Variants in NPNT observed in about 807,000 individuals in gnomAD.
The protein encoded by NPNT is nephronectin.
NPNT carries 45 observed loss-of-function variants against 68.6 expected under a neutral mutation model. The ratio of observed to expected loss-of-function variants is 0.66; its 90% CI spans 0.52 to 0.84. The LOEUF is 0.84. NPNT is among the 40% of genes least tolerant of loss of function. NPNT has a pLI of 0.00. For synonymous variants in NPNT, 233 were observed against 253.3 expected (o/e 0.92, Z 0.76); for missense variants, 672 against 714.8 (o/e 0.94, Z 0.68).
chr4:105,962,984 G>A (rs772193267), intron 10 of NPNT, among the ~76,000 whole-genome samples: 1 of 152,042 alleles, frequency 6.6e-6, no homozygotes, highest in Non-Finnish European at 1.5e-5. Flanking sequence ...CAGCACTTTG[G>A]GAGGCTGAGG....
intron 3 of NPNT, among the ~76,000 whole-genome samples, chr4:105,931,308 A>G (rs1729085799): frequency 6.6e-6 from 1 of 152,206 alleles, no homozygotes; most frequent in Non-Finnish European, 1.5e-5. Flanking sequence ...TAATTTCAGA[A>G]GAAAATATTT....
intron 9 of NPNT, 49 bp downstream of exon 9, chr4:105,958,606 C>T (rs766755143): frequency 3.2e-5 from 34 of 1,062,604 alleles, no homozygotes; most frequent in Non-Finnish European, 4.4e-5. Flanking sequence ...TATTGTTTCT[C>T]TCCATGAAAA....
At position 105,967,236 on chromosome 4, in the gene NPNT, C is replaced by T. The variant is rs1301560585; in HGVS notation, c.1394C>T (p.Ala465Val). The change falls in exon 11 of 12, where the codon GCT (alanine) becomes GTT (valine). Residue 465 changes from alanine to valine, a missense_variant. Physicochemically the swap from Ala to Val is moderately conservative, Grantham distance 64. Transcript: ENST00000379987. The part of the protein sequence containing the change: ...VSAAKAPGGK[A>V]ARLVLPLGRL... ...GCAGCCAAAGCCCCAGGGGGAAAAG[C>T]TGCACGCTTGGTGCTACCTCTCGGC... 6.2e-7 allele frequency: 1 copy of T among 1,613,980 alleles called. No homozygotes were observed. Among genetic ancestry groups the T allele is most frequent in the African/African-American group, 1.3e-5 (1 of 75,044 alleles).
chr4:105,918,630 T>C (rs1728003053), intron 2 of NPNT, among the ~76,000 whole-genome samples: 2 of 152,192 alleles, frequency 1.3e-5, no homozygotes, highest in South Asian at 2.1e-4. Context: ...GTCCTTAACA[T>C]GCATCTGTTA....
chr4:105,930,257 A>G (rs919731719), intron 3 of NPNT, among the ~76,000 whole-genome samples: 5 of 152,220 alleles, frequency 3.3e-5, no homozygotes, highest in African/African-American at 1.2e-4. Flanking sequence ...TGACTTGCAC[A>G]TGGTAAATGC....
chr4:105,928,265 A>T (rs1728838927), intron 3 of NPNT, among the ~76,000 whole-genome samples: 1 of 152,194 alleles, frequency 6.6e-6, no homozygotes, highest in African/African-American at 2.4e-5. Flanking sequence ...GTGATCCTCG[A>T]ACTCATGCTA....
At chr4:105,897,273 C>A (rs1725935535) in intron 1 of NPNT, among the ~76,000 whole-genome samples, 1 of 152,146 alleles carries the variant, frequency 6.6e-6, no homozygotes, top group South Asian at 2.1e-4. Flanking sequence ...CGTTTCAAAC[C>A]ACAAGGATAC....
At chr4:105,927,917 A>G (rs1728814582) in intron 3 of NPNT, among the ~76,000 whole-genome samples, 1 of 152,188 alleles carries the variant, frequency 6.6e-6, no homozygotes, top group African/African-American at 2.4e-5. Context: ...AATAAAAATG[A>G]TTAATTTAGC....
At chr4:105,936,273 T>G (rs1180897879) in intron 3 of NPNT, among the ~76,000 whole-genome samples, 2 of 152,204 alleles carry the variant, frequency 1.3e-5, no homozygotes, top group African/African-American at 4.8e-5. Flanking sequence ...TGTTGGTAGG[T>G]TTTTTAAAGT....
chr4:105,928,270 A>G lies in NPNT; in HGVS notation c.265+842A>G, dbSNP rs148795388. 2.8e-3 allele frequency among the ~76,000 whole-genome samples: 430 copies of G among 152,306 alleles called. 3 individuals carry two copies. Among genetic ancestry groups the G allele is most frequent in the African/African-American group, 9.9e-3 (412 of 41,562 alleles). On this transcript the variant is annotated intron_variant, in intron 3 of 11. Coordinates refer to ENST00000379987, the MANE Select transcript of NPNT (RefSeq NM_001033047.3). ...ATTTGGAAATGTGATCCTCGAACTC[A>G]TGCTACAAAGTCAGACAAGGCTTGT...
At chr4:105,913,890 A>G (rs1383836696) in intron 2 of NPNT, among the ~76,000 whole-genome samples, 1 of 152,142 alleles carries the variant, frequency 6.6e-6, no homozygotes, top group Non-Finnish European at 1.5e-5. Context: ...TGGGAAATGA[A>G]TTGAAGGGAG....
chr4:105,917,320 C>T (rs62317722), intron 2 of NPNT, among the ~76,000 whole-genome samples: 1 of 152,168 alleles, frequency 6.6e-6, no homozygotes. Flanking sequence ...TGGTGAATTT[C>T]TACTTATCCT....
chr4:105,927,152 C>T, intron 2 of NPNT, 184 bp from the exon 3 acceptor site: 1 of 457,236 alleles, frequency 2.2e-6, no homozygotes, highest in East Asian at 3.4e-5. Flanking sequence ...CATATACATA[C>T]ATAACACATG....
intron 8 of NPNT, among the ~76,000 whole-genome samples, chr4:105,943,586 G>A (rs1413414883): frequency 2.6e-5 from 4 of 152,158 alleles, no homozygotes; most frequent in Admixed American, 2.6e-4. Flanking sequence ...AGTTCTGAAG[G>A]AGGAAAAGGT....
chr4:105,946,417 T>C (rs917472850), intron 8 of NPNT, among the ~76,000 whole-genome samples: 1 of 152,186 alleles, frequency 6.6e-6, no homozygotes, highest in Non-Finnish European at 1.5e-5. Context: ...CAAAGGTGAC[T>C]GAAGTCCCTT....
intron 2 of NPNT, among the ~76,000 whole-genome samples, chr4:105,914,344 C>A (rs1242490217): frequency 7.3e-6 from 1 of 136,936 alleles, no homozygotes; most frequent in African/African-American, 2.7e-5. Context: ...AGCTGGCTCT[C>A]TCTCTCCATT....
intron 2 of NPNT, chr4:105,927,054 C>T (rs1728736682): frequency 9.7e-6 from 2 of 206,612 alleles, no homozygotes; most frequent in East Asian, 1.1e-4. Context: ...ATCAGTTATG[C>T]TTATGCATAG....
intron 7 of NPNT, among the ~76,000 whole-genome samples, chr4:105,941,456 A>G (rs1729948128): frequency 1.3e-5 from 2 of 152,216 alleles, no homozygotes; most frequent in South Asian, 4.1e-4. Flanking sequence ...GTAATAGATA[A>G]ACATGAAAAA....
intron 10 of NPNT, 134 bp downstream of exon 10, chr4:105,959,260 GC>G (rs1731490640): frequency 3.3e-6 from 2 of 597,676 alleles, no homozygotes; most frequent in Non-Finnish European, 6.0e-6. Context: ...AAAGGACCAT[GC>G]CTAGCATTTA....
Sources: allele counts gnomAD v4.1 joint callset (sites outside exome capture counted in the v4.1 genomes callset), GRCh38; gene constraint gnomAD v4.1.1; transcripts MANE v1.5; gene names NCBI Gene and HGNC (gene_info 2026-07-23, HGNC 2026-07-21).